RBFOX1: variants seen among roughly 807,000 people sequenced by gnomAD.
RBFOX1 encodes the protein RNA binding protein fox-1 homolog 1.
In RBFOX1, 8 loss-of-function variants were observed where a neutral mutation model predicts 57.7. The ratio of observed to expected loss-of-function variants is 0.14; its 90% confidence interval spans 0.08 to 0.25. RBFOX1 has a LOEUF of 0.25. Ranked by LOEUF, RBFOX1 falls within the 10% of genes least tolerant of loss-of-function variation. The pLI is 1.00. For missense variants in RBFOX1, 611 were observed against 548.5 expected (o/e 1.11, Z -1.14); for synonymous variants, 326 against 222.4 (o/e 1.47, Z -4.15).
chr16:5,378,606 T>G lies in RBFOX1; in HGVS notation c.220-88610T>G, dbSNP rs1007187094. On this transcript the variant is annotated intron_variant, in intron 1 of 2. Coordinates refer to the RBFOX1 transcript ENST00000585867. ...GCAGGCTTCCTGGGACGTGGTACTT[T>G]CCATGTTAACATGAGAATGGCCCTG... 1.6e-4 allele frequency among the ~76,000 whole-genome samples: 24 copies of G among 151,534 alleles called. 1 individual carries two copies. Among genetic ancestry groups the G allele is most frequent in the African/African-American group, 5.9e-4 (24 of 40,816 alleles).
In RBFOX1 at chr16:6,361,714, A is replaced by G. The variant is rs555175289; in HGVS notation, c.-64+44657A>G. On this transcript the variant is annotated intron_variant, in intron 2 of 15. Coordinates refer to ENST00000550418, the MANE Select transcript of RBFOX1 (RefSeq NM_018723.4). ...GAGAGCTTTACAAACCCCCTACCTT[A>G]TCTTTATACCAATTGAATCAGAATG... is the stretch of plus-strand genomic sequence containing the variant. Among the ~76,000 whole-genome samples, 4 of 151,962 alleles carry G rather than the reference A, an allele frequency of 2.6e-5. No individual in the cohort carries two copies. In the South Asian group the frequency reaches 8.3e-4, roughly 32 times the overall value.
At chr16:7,450,658 G>C (rs1027500073) in intron 4 of RBFOX1, among the ~76,000 whole-genome samples, 1 of 152,058 alleles carries the variant, frequency 6.6e-6, no homozygotes, top group Non-Finnish European at 1.5e-5. Flanking sequence ...TTTTCCGCCT[G>C]ATTTAAAGTG....
intron 3 of RBFOX1, among the ~76,000 whole-genome samples, chr16:6,988,519 C>A (rs906761656): frequency 1.7e-4 from 26 of 151,626 alleles, no homozygotes; most frequent in African/African-American, 5.6e-4. Context: ...ATTAGTCTTA[C>A]CTGTTTTATT....
chr16:7,058,005 GGAA>G (rs2052963477), intron 4 of RBFOX1, among the ~76,000 whole-genome samples: 3 of 121,606 alleles, frequency 2.5e-5, no homozygotes, highest in South Asian at 5.3e-4. Flanking sequence ...GAGACTGTGG[GGAA>G]AAAAAAAAAA....
At chr16:6,664,836 G>C (rs759708192) in intron 3 of RBFOX1, among the ~76,000 whole-genome samples, 8 of 152,202 alleles carry the variant, frequency 5.3e-5, no homozygotes, top group Non-Finnish European at 1.0e-4. Context: ...CAGTCAAACG[G>C]ATCTGGAGTT....
intron 4 of RBFOX1, among the ~76,000 whole-genome samples, chr16:7,168,391 G>A (rs1231060228): frequency 2.6e-5 from 4 of 152,204 alleles, no homozygotes; most frequent in South Asian, 2.1e-4. Context: ...GGGAAAGAGT[G>A]TACCTCAAAC....
intron 14 of RBFOX1, among the ~76,000 whole-genome samples, chr16:7,705,288 C>G (rs779355160): frequency 6.6e-6 from 1 of 152,052 alleles, no homozygotes; most frequent in African/African-American, 2.4e-5. Flanking sequence ...AGGAGGATCA[C>G]GAGGTCAGGA....
intron 12 of RBFOX1, 162 bp from the exon 13 acceptor site, chr16:7,664,767 A>C (rs1597589111): frequency 1.5e-6 from 2 of 1,295,594 alleles, no homozygotes; most frequent in Non-Finnish European, 2.1e-6. Context: ...GGTTTGCTCA[A>C]CTGCCGTTGT....
intron 4 of RBFOX1, among the ~76,000 whole-genome samples, chr16:7,392,357 G>T (rs896696116): frequency 1.1e-4 from 17 of 152,084 alleles, no homozygotes; most frequent in Non-Finnish European, 2.2e-4. Context: ...TTGGACAATG[G>T]CCTGTTTCCT....
chr16:6,983,411 TTATC>T (rs1459427134), intron 3 of RBFOX1, among the ~76,000 whole-genome samples: 4 of 151,826 alleles, frequency 2.6e-5, no homozygotes, highest in Non-Finnish European at 5.9e-5. Flanking sequence ...AATGATATAA[TTATC>T]TATTTGCTGC....
At chr16:6,218,262 G>C (rs918844943) in intron 1 of RBFOX1, among the ~76,000 whole-genome samples, 2 of 150,322 alleles carry the variant, frequency 1.3e-5, no homozygotes, top group African/African-American at 2.4e-5. Flanking sequence ...ACTATAAACA[G>C]GACTAGTGAA....
At chr16:6,196,742 C>T (rs966974466) in intron 1 of RBFOX1, among the ~76,000 whole-genome samples, 6 of 151,032 alleles carry the variant, frequency 4.0e-5, no homozygotes, top group African/African-American at 7.3e-5. Context: ...TTAATACAAG[C>T]GATATAAATG....
chr16:5,618,989 G>C (rs991914083), intron 3 of RBFOX1, among the ~76,000 whole-genome samples: 2 of 152,170 alleles, frequency 1.3e-5, no homozygotes, highest in Non-Finnish European at 2.9e-5. Context: ...CCTTTGCTCC[G>C]GTGGTTCCAG....
chr16:6,759,497 G>C (rs1243116094), intron 3 of RBFOX1, among the ~76,000 whole-genome samples: 9 of 149,740 alleles, frequency 6.0e-5, no homozygotes, highest in South Asian at 4.2e-4. Flanking sequence ...GTGTGTGTGT[G>C]TGTGTGTGTG....
At chr16:5,475,163 G>A (rs543859013) in intron 2 of RBFOX1, among the ~76,000 whole-genome samples, 7 of 152,298 alleles carry the variant, frequency 4.6e-5, no homozygotes, top group South Asian at 4.1e-4. Flanking sequence ...TATATTTGCC[G>A]TAATAGATAT....
At chr16:7,248,054 TA>T (rs962898722) in intron 4 of RBFOX1, among the ~76,000 whole-genome samples, 2 of 152,078 alleles carry the variant, frequency 1.3e-5, no homozygotes, top group African/African-American at 4.8e-5. Flanking sequence ...AAGTTAACCT[TA>T]AAAAAATAGA....
At chr16:5,637,329 C>T (rs1185634736) in intron 3 of RBFOX1, among the ~76,000 whole-genome samples, 1 of 152,132 alleles carries the variant, frequency 6.6e-6, no homozygotes, top group South Asian at 2.1e-4. Context: ...TTAAATAAGT[C>T]ATGTCTTAGT....
intron 4 of RBFOX1, among the ~76,000 whole-genome samples, chr16:5,956,285 A>ACAAACAAACTAAATATGTATTAAGCC (rs1460169824): frequency 6.6e-6 from 1 of 152,196 alleles, no homozygotes; most frequent in Non-Finnish European, 1.5e-5. Flanking sequence ...AAATGAACAA[A>ACAAACAAACTAAATATGTATTAAGCC]CAAACAAACT....
At chr16:7,507,924 G>A (rs2073911016) in intron 4 of RBFOX1, among the ~76,000 whole-genome samples, 1 of 151,556 alleles carries the variant, frequency 6.6e-6, no homozygotes, top group South Asian at 2.1e-4. Flanking sequence ...AAGGACCCAT[G>A]TTCTGTTGCA....
Sources: allele counts gnomAD v4.1 joint callset (sites outside exome capture counted in the v4.1 genomes callset), GRCh38; gene constraint gnomAD v4.1.1; transcripts MANE v1.5; gene names NCBI Gene and HGNC (gene_info 2026-07-23, HGNC 2026-07-21).